The following LETM2 variants were observed in gnomAD, a reference collection of about 807,000 sequenced individuals.
LETM2 encodes LETM1 domain-containing protein LETM2, mitochondrial.
Under a neutral mutation model 59.6 loss-of-function variants are expected in LETM2, and 58 were observed. The ratio of observed to expected loss-of-function variants is 0.97; its 90% CI spans 0.79 to 1.21. The LOEUF (loss-of-function observed/expected upper bound fraction) is 1.21. Among genes scored for constraint, LETM2 ranks in the 50% most tolerant of loss-of-function variants. The pLI is 0.00. For missense variants in LETM2, 572 were observed against 575.7 expected (o/e 0.99, Z 0.07); for synonymous variants, 199 against 214.1 (o/e 0.93, Z 0.62).
At chr8:38,402,951 C>T (rs1813364185) in intron 7 of LETM2, among the ~76,000 whole-genome samples, 1 of 152,114 alleles carries the variant, frequency 6.6e-6, no homozygotes, top group South Asian at 2.1e-4. Context: ...AAACGACCTG[C>T]TTCCAAGTTC....
At chr8:38,386,110 C>T (rs915116031), upstream of LETM2, 2 of 152,136 alleles carry the variant, frequency 1.3e-5, no homozygotes, top group African/African-American at 4.8e-5. Flanking sequence ...TTGCAGGGTC[C>T]GAGGGAGAAT....
intron 3 of LETM2, chr8:38,393,834 G>A: frequency 3.2e-6 from 1 of 311,274 alleles, no homozygotes; most frequent in Non-Finnish European, 5.8e-6. Context: ...ATAAACAGCT[G>A]CAGAAAACCT....
At chr8:38,383,232 C>G (rs1811650199), upstream of LETM2, 1 of 152,342 alleles carries the variant, frequency 6.6e-6, no homozygotes, top group African/African-American at 2.4e-5. Flanking sequence ...TCCTCTAGCC[C>G]CCCGCATCCT....
intron 8 of LETM2, chr8:38,406,734 T>C (rs978090432): frequency 2.4e-5 from 11 of 449,832 alleles, no homozygotes; most frequent in South Asian, 5.4e-5. Context: ...AACTTTTGTA[T>C]ATAAAGTACT....
At chr8:38,400,108 T>C (rs977608562) in intron 4 of LETM2, among the ~76,000 whole-genome samples, 164 bp from the exon 5 acceptor site, 5 of 152,222 alleles carry the variant, frequency 3.3e-5, no homozygotes, top group African/African-American at 4.8e-5. Flanking sequence ...AGGCTTCTTT[T>C]TACTTGCTCT....
intron 3 of LETM2, 26 bp downstream of exon 3, chr8:38,393,021 G>T: frequency 1.3e-6 from 2 of 1,526,162 alleles, no homozygotes; most frequent in Non-Finnish European, 1.8e-6. Context: ...ATTTGAGAAA[G>T]AAAATGTGAA....
chr8:38,396,443 C>G (rs777400754), intron 4 of LETM2, among the ~76,000 whole-genome samples: 8 of 152,252 alleles, frequency 5.3e-5, no homozygotes, highest in South Asian at 2.1e-4. Context: ...GGATAACAGA[C>G]GTGAGCCACT....
upstream of LETM2, among the ~76,000 whole-genome samples, chr8:38,383,968 A>C (rs891437125): frequency 6.6e-6 from 1 of 152,070 alleles, no homozygotes; most frequent in Non-Finnish European, 1.5e-5. Flanking sequence ...TTAATCATTA[A>C]ATATTTTTAA....
chr8:38,407,488 A>G, intron 10 of LETM2, 25 bp downstream of exon 10: 2 of 1,427,944 alleles, frequency 1.4e-6, no homozygotes, highest in Non-Finnish European at 2.0e-6. Flanking sequence ...TAAATGAAAA[A>G]GAAAGAGAAG....
Position 38,402,589 on chromosome 8 carries a change from GA to G in LETM2, c.1050del (p.Met352Ter). 8.7e-6 allele frequency: 14 copies of G among 1,614,038 alleles called. No individual in the cohort carries two copies. Among genetic ancestry groups the G allele is most frequent in the Non-Finnish European group, 9.3e-6 (11 of 1,179,894 alleles). The part of the protein sequence containing the change: ...VSELQAACRA[R>X]GMRSLGLTEE... ...GAACTACAGGCTGCCTGTAGGGCCCGAGGGATGAGATCACTGGGTCTCACGG... is the reference window on the plus strand; with the variant it reads ...GAACTACAGGCTGCCTGTAGGGCCCGGGGATGAGATCACTGGGTCTCACGG... On this transcript the variant is annotated frameshift_variant, in exon 7 of 11. Coordinates refer to ENST00000379957, the MANE Select transcript of LETM2 (RefSeq NM_001286819.2). LOFTEE classifies it high-confidence loss of function.
chr8:38,386,477 T>C lies in LETM2; in HGVS notation c.-126T>C, dbSNP rs1215246689. On this transcript the variant is annotated 5_prime_UTR_variant, in exon 1 of 11. Coordinates refer to ENST00000379957, the MANE Select transcript of LETM2 (RefSeq NM_001286819.2). ...AGGGGCGAGGAAAGAGGCGGAACCG[T>C]AGAGACTTGGCTTCGGGCCCTTCTA... 1 of 152,096 alleles carries C rather than the reference T, an allele frequency of 6.6e-6. No individual in the cohort carries two copies. Among genetic ancestry groups the C allele is most frequent in the African/African-American group, 2.4e-5 (1 of 41,382 alleles). The allele number at this position is 152,096 out of a possible 1,614,324, so 9.4% of individuals were successfully genotyped here.
chr8:38,406,925 A>G (rs2150458233), intron 8 of LETM2, 21 bp from the exon 9 acceptor site: 1 of 1,523,012 alleles, frequency 6.6e-7, no homozygotes, highest in Non-Finnish European at 9.1e-7. Flanking sequence ...CTTATGATAC[A>G]TAAAATGTTT....
Position 38,401,945 on chromosome 8 carries a change from A to T in LETM2, c.985-580A>T, listed in dbSNP as rs140748190. ...CACCTGGGGGAGCAGGTTTCCCAGA[A>T]CTGAGAAAGCATGATCCTTTTGGCC... On this transcript the variant is annotated intron_variant, in intron 6 of 10. Coordinates refer to ENST00000379957, the MANE Select transcript of LETM2 (RefSeq NM_001286819.2). Among the ~76,000 whole-genome samples, 3 of 152,314 alleles carry T rather than the reference A, an allele frequency of 2.0e-5. No individual in the cohort carries two copies. In the East Asian group the frequency reaches 5.8e-4, roughly 29 times the overall value.
upstream of LETM2, among the ~76,000 whole-genome samples, chr8:38,384,348 C>A (rs1811689562): frequency 1.3e-5 from 2 of 152,182 alleles, no homozygotes; most frequent in African/African-American, 4.8e-5. Context: ...GATGCATAGT[C>A]TTTTCCTGCA....
intron 2 of LETM2, among the ~76,000 whole-genome samples, chr8:38,391,199 CA>C (rs1292763551): frequency 2.4e-4 from 24 of 99,268 alleles, no homozygotes; most frequent in South Asian, 1.0e-3. Flanking sequence ...AAAAAAAAAA[CA>C]AAAAAAAAAA....
At chr8:38,400,552 T>G (rs1021450438) in intron 5 of LETM2, 143 bp downstream of exon 5, 1 of 805,902 alleles carries the variant, frequency 1.2e-6, no homozygotes, top group Admixed American at 3.2e-5. Context: ...TGTAAACATT[T>G]AATATTATAA....
intron 8 of LETM2, 184 bp downstream of exon 8, chr8:38,404,690 C>T (rs1813573123): frequency 5.3e-6 from 3 of 563,952 alleles, no homozygotes; most frequent in Non-Finnish European, 9.5e-6. Context: ...ACAAACAAAA[C>T]AAAGGAAGGC....
At position 38,400,291 on chromosome 8, in the gene LETM2, A is replaced by C; in HGVS notation, c.665A>C (p.Lys222Thr). Reference sequence around the variant, plus strand: ...ATTAAGGAAGAAAAACAGAAAAAGAAAATGGCTGTAAAGTTGGAACTAGCA... The same window carrying C: ...ATTAAGGAAGAAAAACAGAAAAAGACAATGGCTGTAAAGTTGGAACTAGCA... ...ESKKEEKQKK[K>T]MAVKLELAKF... The change falls in exon 5 of 11, where the codon AAA (lysine) becomes ACA (threonine). Residue 222 changes from lysine (K) to threonine (T), a missense_variant. Physicochemically the swap from Lys to Thr is moderately conservative, Grantham distance 78 (BLOSUM62 -1). Transcript: ENST00000379957. The C allele has an allele frequency of 6.2e-7, 1 of 1,610,308 alleles. No individual in the cohort carries two copies. The highest frequency in any genetic ancestry group is 1.1e-5 in the South Asian group (1 of 89,918).
At chr8:38,406,825 G>A (rs1474909860) in intron 8 of LETM2, 121 bp from the exon 9 acceptor site, 3 of 629,624 alleles carry the variant, frequency 4.8e-6, no homozygotes, top group East Asian at 5.4e-5. Flanking sequence ...GTAGCTAGAG[G>A]AGGAAGTTAG....
Sources: gnomAD v4.1 joint callset for allele counts (sites outside exome capture counted in the v4.1 genomes callset) on GRCh38, gnomAD v4.1.1 for gene constraint, MANE v1.5 for transcripts, NCBI Gene and HGNC (gene_info 2026-07-23, HGNC 2026-07-21) for gene names.